The following ABITRAM variants were observed in gnomAD, a reference collection of about 807,000 sequenced individuals.
The protein encoded by ABITRAM is protein Abitram.
A neutral mutation model predicts 22.9 loss-of-function variants in ABITRAM; 19 were observed. That is an observed-to-expected ratio of 0.83 (90% CI 0.58 to 1.22). ABITRAM has a LOEUF of 1.22. Ranked by LOEUF, ABITRAM falls within the 50% of genes most tolerant of loss-of-function variation. The pLI is 0.00. For synonymous variants in ABITRAM, 70 were observed against 73.9 expected (o/e 0.95, Z 0.27); for missense variants, 215 against 220.2 (o/e 0.98, Z 0.15).
At chr9:108,936,659 T>C (rs1830191417) in intron 3 of ABITRAM, among the ~76,000 whole-genome samples, 1 of 152,162 alleles carries the variant, frequency 6.6e-6, no homozygotes, top group Non-Finnish European at 1.5e-5. Flanking sequence ...TGTGCTACTA[T>C]CCCTATAATG....
intron 3 of ABITRAM, among the ~76,000 whole-genome samples, chr9:108,946,410 C>A (rs1161030010): frequency 6.6e-6 from 1 of 151,932 alleles, no homozygotes; most frequent in African/African-American, 2.4e-5. Flanking sequence ...TCTTCTGATA[C>A]ACCCAGCCCT....
intron 3 of ABITRAM, among the ~76,000 whole-genome samples, chr9:108,949,500 G>A (rs959102650): frequency 6.6e-6 from 1 of 152,208 alleles, no homozygotes; most frequent in Non-Finnish European, 1.5e-5. Context: ...TTGAGGTCAG[G>A]AGTTTGAGAC....
chr9:108,942,849 G>C, downstream of ABITRAM: 1 of 1,613,198 alleles, frequency 6.2e-7, no homozygotes, highest in Non-Finnish European at 8.5e-7. Flanking sequence ...AAAGAGTTAA[G>C]ACAATTAGTA....
intron 1 of ABITRAM, 137 bp downstream of exon 1, chr9:108,934,702 C>A: frequency 1.2e-6 from 1 of 812,116 alleles, no homozygotes; most frequent in Non-Finnish European, 1.9e-6. Flanking sequence ...CTTCTGTGTT[C>A]CGTCTAGCCC....
chr9:108,936,224 T>C, intron 2 of ABITRAM, 84 bp from the exon 3 acceptor site: 1 of 1,474,192 alleles, frequency 6.8e-7, no homozygotes, highest in Middle Eastern at 2.5e-4. Context: ...CAAATACCAG[T>C]TCATACATTC....
rs760914267 is a variant in ABITRAM, at chr9:108,934,455, G to A, written c.-32G>A. 2 of 1,573,098 alleles carry A rather than the reference G, an allele frequency of 1.3e-6. No homozygotes were observed. Among genetic ancestry groups the A allele is most frequent in the Admixed American group, 1.8e-5 (1 of 55,186 alleles). ...TGCGCGGAGGAAGCGCTGGGGTCCC[G>A]GAGGGCGGGGGTGGCGGCGCCGGAG... On this transcript the variant is annotated 5_prime_UTR_variant, in exon 1 of 6. Transcript: ENST00000322940.
chr9:108,935,623 C>A lies in ABITRAM; in HGVS notation c.80-15C>A. The A allele has an allele frequency of 6.2e-7, 1 of 1,605,412 alleles. No individual in the cohort carries two copies. The highest frequency in any genetic ancestry group is 8.5e-7 in the Non-Finnish European group (1 of 1,172,180). ...TATTGATTTCAGCCACCAACAGACTCATGTATTCTTCTAGATGTCAAAGGA... is the reference window on the plus strand; with the variant it reads ...TATTGATTTCAGCCACCAACAGACTAATGTATTCTTCTAGATGTCAAAGGA... On this transcript the variant is annotated splice_polypyrimidine_tract_variant and intron_variant, in intron 1 of 5. Coordinates refer to ENST00000322940, the MANE Select transcript of ABITRAM (RefSeq NM_017832.4).
downstream of ABITRAM, among the ~76,000 whole-genome samples, chr9:108,942,141 T>C (rs182853895): frequency 2.0e-4 from 31 of 152,288 alleles, no homozygotes; most frequent in Middle Eastern, 3.4e-3. Context: ...CATCTCATAC[T>C]CTCCAGGAGT....
intron 2 of ABITRAM, chr9:108,936,071 C>CTGG: frequency 1.9e-6 from 1 of 529,718 alleles, no homozygotes. Flanking sequence ...CCAGTGCTAC[C>CTGG]TACCTAAAGA....
intron 3 of ABITRAM, among the ~76,000 whole-genome samples, chr9:108,949,139 A>G (rs546362758): frequency 3.3e-5 from 5 of 152,380 alleles, no homozygotes; most frequent in South Asian, 2.1e-4. Context: ...AGTAACCTGA[A>G]GAAGGGCTAT....
At chr9:108,939,112 A>G in intron 3 of ABITRAM, 84 bp from the exon 4 acceptor site, 1 of 1,079,636 alleles carries the variant, frequency 9.3e-7, no homozygotes, top group South Asian at 1.5e-5. Context: ...CCAGGAATAC[A>G]TCCTGTTATA....
intron 3 of ABITRAM, among the ~76,000 whole-genome samples, chr9:108,950,137 A>G (rs1168917610): frequency 6.6e-6 from 1 of 152,196 alleles, no homozygotes; most frequent in Non-Finnish European, 1.5e-5. Context: ...TTATTAGTCA[A>G]AAACATTTTT....
At chr9:108,945,094 A>C (rs918190972), downstream of ABITRAM, among the ~76,000 whole-genome samples, 1 of 152,170 alleles carries the variant, frequency 6.6e-6, no homozygotes. Flanking sequence ...ATACAGTATG[A>C]TGGTTTTAAA....
downstream of ABITRAM, chr9:108,941,090 A>G (rs753240947): frequency 1.3e-5 from 2 of 152,186 alleles, no homozygotes; most frequent in Non-Finnish European, 2.9e-5. Flanking sequence ...CAAAAATATT[A>G]TCTAATGAAA....
intron 2 of ABITRAM, 149 bp from the exon 3 acceptor site, chr9:108,936,159 G>A: frequency 3.9e-6 from 3 of 765,020 alleles, no homozygotes; most frequent in Middle Eastern, 3.9e-4. Flanking sequence ...CTATTCTACA[G>A]TTATGCCCCA....
chr9:108,939,871 T>C lies in ABITRAM; in HGVS notation c.*185T>C. 1.6e-6 allele frequency: 1 copy of C among 642,494 alleles called. No homozygotes were observed. Among genetic ancestry groups the C allele is most frequent in the Non-Finnish European group, 2.5e-6 (1 of 392,872 alleles). The allele number at this position is 642,494 out of a possible 1,614,324, so 39.8% of individuals were successfully genotyped here. The stretch of plus-strand genomic sequence containing the variant: ...TAATGAGCCTTGGTTCCCATTTGTC[T>C]ACAGCCTGCCAGATCTGGCCTGCCC... On this transcript the variant is annotated 3_prime_UTR_variant, in exon 6 of 6. Transcript: ENST00000322940.
intron 1 of ABITRAM, 41 bp from the exon 2 acceptor site, chr9:108,935,597 A>C: frequency 6.5e-7 from 1 of 1,528,112 alleles, no homozygotes; most frequent in South Asian, 1.1e-5. Context: ...GTGGTAGTAA[A>C]TATTGATTTC....
At chr9:108,939,111 C>T in intron 3 of ABITRAM, 85 bp from the exon 4 acceptor site, 1 of 1,064,496 alleles carries the variant, frequency 9.4e-7, no homozygotes, top group East Asian at 2.4e-5. Flanking sequence ...TCCAGGAATA[C>T]ATCCTGTTAT....
downstream of ABITRAM, among the ~76,000 whole-genome samples, chr9:108,941,641 C>T (rs1360074711): frequency 3.9e-5 from 6 of 152,104 alleles, no homozygotes; most frequent in East Asian, 7.7e-4. Context: ...GTGGTTCTTC[C>T]GGATCTTTTG....
Sources: allele counts gnomAD v4.1 joint callset (sites outside exome capture counted in the v4.1 genomes callset), GRCh38; gene constraint gnomAD v4.1.1; transcripts MANE v1.5; gene names NCBI Gene and HGNC (gene_info 2026-07-23, HGNC 2026-07-21).